QNG1: variants seen among roughly 807,000 people sequenced by gnomAD.
QNG1 encodes the protein Q-nucleotide N-glycosylase 1, also known as queuosine 5'-phosphate N-glycosylase/hydrolase.
chr9:83,950,802 T>C, the QNG1 span, among the ~76,000 whole-genome samples: 5 of 151,920 alleles, frequency 3.3e-5, no homozygotes, highest in African/African-American at 7.2e-5. Context: ...GGTTTCCCCA[T>C]GTTGCCTAGG....
the QNG1 span, among the ~76,000 whole-genome samples, chr9:83,950,282 T>C: frequency 2.0e-5 from 3 of 151,930 alleles, no homozygotes; most frequent in Non-Finnish European, 2.9e-5. Flanking sequence ...ACTCCTGACC[T>C]TGTGATCCAC....
chr9:83,956,264 C>T, the QNG1 span: 3 of 1,614,132 alleles, frequency 1.9e-6, no homozygotes, highest in South Asian at 1.1e-5. Flanking sequence ...CCTGCTCCGA[C>T]CAAAAGGAGA....
chr9:83,952,667 C>T, the QNG1 span, among the ~76,000 whole-genome samples: 3 of 151,872 alleles, frequency 2.0e-5, no homozygotes, highest in Non-Finnish European at 4.4e-5. Flanking sequence ...TGGTGGCGGG[C>T]ACCTGTAGTC....
the QNG1 span, among the ~76,000 whole-genome samples, chr9:83,949,732 C>A: frequency 6.6e-5 from 10 of 151,198 alleles, no homozygotes; most frequent in African/African-American, 2.4e-4. Context: ...ACAATTACTA[C>A]ACCATCAAGT....
the QNG1 span, among the ~76,000 whole-genome samples, chr9:83,949,036 G>A: frequency 8.6e-6 from 1 of 116,074 alleles, no homozygotes; most frequent in Non-Finnish European, 1.6e-5. Flanking sequence ...CTCCACTATT[G>A]TCGATGACCC....
chr9:83,956,125 T>G, the QNG1 span: 1 of 1,597,622 alleles, frequency 6.3e-7, no homozygotes, highest in East Asian at 2.2e-5. Flanking sequence ...AATGGAAACC[T>G]CAAAGGCCGT....
At chr9:83,956,751 G>A in the QNG1 span, 15 of 405,222 alleles carry the variant, frequency 3.7e-5, no homozygotes, top group Non-Finnish European at 5.7e-5. Context: ...CCGGGAAAGC[G>A]GTCCCGTTCA....
chr9:83,942,637 T>C, the QNG1 span, among the ~76,000 whole-genome samples: 6 of 152,388 alleles, frequency 3.9e-5, no homozygotes, highest in African/African-American at 9.6e-5. Context: ...ACTATACTTA[T>C]GTTTGTTACA....
At chr9:83,956,523 G>A in the QNG1 span, 7 of 1,513,406 alleles carry the variant, frequency 4.6e-6, no homozygotes, top group African/African-American at 9.8e-5. Context: ...GACCCGGCGG[G>A]CCAAACTCTT....
the QNG1 span, among the ~76,000 whole-genome samples, chr9:83,949,462 A>G: frequency 6.6e-6 from 1 of 151,938 alleles, no homozygotes; most frequent in Non-Finnish European, 1.5e-5. Context: ...TGACCAACAT[A>G]GAGAAACCCC....
At chr9:83,955,746 G>A in the QNG1 span, 7,144 of 1,041,728 alleles carry the variant, frequency 6.9e-3, 37 homozygotes, top group Non-Finnish European at 7.9e-3. Flanking sequence ...GAGTGGTATA[G>A]GAATGCACCA....
chr9:83,944,016 G>C, the QNG1 span, among the ~76,000 whole-genome samples: 1 of 136,138 alleles, frequency 7.3e-6, no homozygotes, highest in East Asian at 2.1e-4. Flanking sequence ...GTGAGACTCC[G>C]TCTCAAACAA....
chr9:83,950,794 T>C, the QNG1 span, among the ~76,000 whole-genome samples: 1 of 151,566 alleles, frequency 6.6e-6, no homozygotes, highest in African/African-American at 2.4e-5. Flanking sequence ...AGAGATGAGG[T>C]TTCCCCATGT....
the QNG1 span, among the ~76,000 whole-genome samples, chr9:83,941,399 AG>A: frequency 2.0e-5 from 3 of 152,258 alleles, no homozygotes; most frequent in East Asian, 3.9e-4. Flanking sequence ...AATGAAGGAA[AG>A]GTGAGACCCC....
At chr9:83,956,519 G>T in the QNG1 span, 1 of 1,515,616 alleles carries the variant, frequency 6.6e-7, no homozygotes, top group Middle Eastern at 1.8e-4. Flanking sequence ...TTGGGACCCG[G>T]CGGGCCAAAC....
the QNG1 span, among the ~76,000 whole-genome samples, chr9:83,940,000 T>C: frequency 6.6e-6 from 1 of 152,292 alleles, no homozygotes; most frequent in African/African-American, 2.4e-5. Flanking sequence ...TTGCACATAC[T>C]AGCTCCCCAA....
chr9:83,946,469 A>T, the QNG1 span, among the ~76,000 whole-genome samples: 1 of 152,236 alleles, frequency 6.6e-6, no homozygotes, highest in African/African-American at 2.4e-5. Flanking sequence ...GAAAATGATC[A>T]TATTTACCAA....
the QNG1 span, among the ~76,000 whole-genome samples, chr9:83,951,702 A>G: frequency 6.6e-6 from 1 of 152,258 alleles, no homozygotes; most frequent in Non-Finnish European, 1.5e-5. Flanking sequence ...TAGAACTTTT[A>G]CAAAGTTACT....
At chr9:83,953,651 C>A in the QNG1 span, 3 of 630,404 alleles carry the variant, frequency 4.8e-6, no homozygotes, top group Middle Eastern at 3.5e-4. Context: ...AAGCCAATTT[C>A]TTTTATTTTT....
Sources: gnomAD v4.1 joint callset for allele counts (sites outside exome capture counted in the v4.1 genomes callset) on GRCh38, gnomAD v4.1.1 for gene constraint, MANE v1.5 for transcripts, NCBI Gene and HGNC (gene_info 2026-07-23, HGNC 2026-07-21) for gene names.